PIEZO2: variants seen among roughly 807,000 people sequenced by gnomAD.
PIEZO2 encodes piezo-type mechanosensitive ion channel component 2.
In PIEZO2, 172 loss-of-function variants were observed where a neutral mutation model predicts 337.3. That is an observed-to-expected ratio of 0.51 (90% CI 0.45 to 0.58). PIEZO2 has a LOEUF of 0.58. Ranked by LOEUF, PIEZO2 falls within the 20% of genes least tolerant of loss-of-function variation. PIEZO2 has a pLI of 0.00. For synonymous variants in PIEZO2, 1,251 were observed against 1,228.5 expected, an observed-to-expected ratio of 1.02 and a Z score of -0.38; for missense variants, 3,028 against 3,391.3, an observed-to-expected ratio of 0.89 and a Z score of 2.66.
At chr18:10,941,814 A>C (rs1455661673) in intron 3 of PIEZO2, among the ~76,000 whole-genome samples, 1 of 152,216 alleles carries the variant, frequency 6.6e-6, no homozygotes, top group Non-Finnish European at 1.5e-5. Context: ...GACCAAAATG[A>C]CTGATACCGT....
intron 18 of PIEZO2, among the ~76,000 whole-genome samples, chr18:10,776,244 A>C (rs1329017420): frequency 6.6e-6 from 1 of 152,102 alleles, no homozygotes; most frequent in Non-Finnish European, 1.5e-5. Context: ...TATGTAACCT[A>C]TCTTTTAAGT....
intron 14 of PIEZO2, 39 bp downstream of exon 14, chr18:10,791,162 A>T (rs748431452): frequency 6.7e-7 from 1 of 1,485,322 alleles, no homozygotes; most frequent in South Asian, 1.3e-5. Flanking sequence ...AATTTTGCTG[A>T]GCACCAAACT....
At position 10,773,748 on chromosome 18, in the gene PIEZO2, A is replaced by T; in HGVS notation, c.2568-119T>A. On this transcript the variant is annotated intron_variant, in intron 19 of 55. Transcript: ENST00000674853. This position sits in a 1 kb window ranked among gnomAD's most constrained non-coding sequence, Gnocchi z 5.3. ...TCAGTGCATGTACAAAGACCTCACA[A>T]GGTGGGGTGTTAGCGTTTTGTCACT... 3.2e-6 allele frequency: 3 copies of T among 936,772 alleles called. No homozygotes were observed. Among genetic ancestry groups the T allele is most frequent in the Non-Finnish European group, 4.8e-6 (3 of 630,164 alleles). The allele number at this position is 936,772 out of a possible 1,614,324, so 58.0% of individuals were successfully genotyped here.
intron 36 of PIEZO2, 58 bp from the exon 37 acceptor site, chr18:10,718,317 A>G: frequency 7.4e-7 from 1 of 1,350,334 alleles, no homozygotes. Flanking sequence ...ATTAAATGCC[A>G]ATGTTACTCT....
chr18:10,863,884 A>C lies in PIEZO2; in HGVS notation c.493-6673T>G, dbSNP rs11874477. ...CAAATCAGCAGTCACACACACACAC[A>C]CCTATATCATCCACTCAGTTCACAT... is the stretch of plus-strand genomic sequence containing the variant. On this transcript the variant is annotated intron_variant, in intron 5 of 55. Coordinates refer to ENST00000674853, the MANE Select transcript of PIEZO2 (RefSeq NM_001378183.1). The surrounding 1 kb of genome is among the most constrained non-coding windows in gnomAD (Gnocchi z 4.3). 0.25 allele frequency among the ~76,000 whole-genome samples: 38,517 copies of C among 151,964 alleles called. 4,863 individuals carry two copies. The highest frequency in any genetic ancestry group is 0.27 in the Non-Finnish European group (18,183 of 67,952).
rs2039494787 is a variant in PIEZO2, at chr18:11,104,122, T to C, written c.65-37900A>G. 6.6e-6 allele frequency among the ~76,000 whole-genome samples: 1 copy of C among 152,198 alleles called. No individual in the cohort carries two copies. The highest frequency in any genetic ancestry group is 1.5e-5 in the Non-Finnish European group (1 of 68,040). On this transcript the variant is annotated intron_variant, in intron 1 of 55. Transcript: ENST00000674853. This position sits in a 1 kb window ranked among gnomAD's most constrained non-coding sequence, Gnocchi z 4.6. Reference sequence around the variant, plus strand: ...AATTGGATTCTTCTTATCATAGCTTTCACTGGGATTGCAATATAACATATG... The same window carrying C: ...AATTGGATTCTTCTTATCATAGCTTCCACTGGGATTGCAATATAACATATG...
rs946817929 is a variant in PIEZO2, at chr18:11,101,345, C to T, written c.65-35123G>A. The stretch of plus-strand genomic sequence containing the variant: ...TGGGTCCCCACGCACCACTTGCTGG[C>T]CCCATGAAGCACTCTCAGAGGGCCC... On this transcript the variant is annotated intron_variant, in intron 1 of 55. Transcript: ENST00000674853. The surrounding 1 kb of genome is among the most constrained non-coding windows in gnomAD (Gnocchi z 4.4). Among the ~76,000 whole-genome samples, 1 of 152,238 alleles carries T rather than the reference C, an allele frequency of 6.6e-6. No homozygotes were observed. The highest frequency in any genetic ancestry group is 2.4e-5 in the African/African-American group (1 of 41,458).
intron 4 of PIEZO2, among the ~76,000 whole-genome samples, chr18:10,907,488 T>G (rs568576550): frequency 2.0e-5 from 3 of 151,332 alleles, no homozygotes; most frequent in Admixed American, 6.6e-5. Flanking sequence ...CATGTTGAGA[T>G]GAAAGCACTG....
Position 11,094,016 on chromosome 18 carries a change from G to A in PIEZO2, c.65-27794C>T, listed in dbSNP as rs936662274. Reference sequence around the variant, plus strand: ...TTTTTGAGACAGTGTCTCGCTCTTGGGGCCCAGGCTGGAGTGCAGTGGTGC... The same window carrying A: ...TTTTTGAGACAGTGTCTCGCTCTTGAGGCCCAGGCTGGAGTGCAGTGGTGC... On this transcript the variant is annotated intron_variant, in intron 1 of 55. Coordinates refer to ENST00000674853, the MANE Select transcript of PIEZO2 (RefSeq NM_001378183.1). This position sits in a 1 kb window ranked among gnomAD's most constrained non-coding sequence, Gnocchi z 4.4. Among the ~76,000 whole-genome samples, 1 of 147,040 alleles carries A rather than the reference G, an allele frequency of 6.8e-6. No individual in the cohort carries two copies. Among genetic ancestry groups the A allele is most frequent in the African/African-American group, 2.5e-5 (1 of 39,880 alleles).
chr18:11,043,427 G>T lies in PIEZO2; in HGVS notation c.160+22700C>A, dbSNP rs144287004. 6.8e-3 allele frequency among the ~76,000 whole-genome samples: 1,039 copies of T among 152,272 alleles called. 6 individuals are homozygous for T. Among genetic ancestry groups the T allele is most frequent in the African/African-American group, 0.024 (989 of 41,556 alleles). ...GTATGCTAAAAATTACTTGTTGTAT[G>T]TCTGAAATTCAAACAATTTATCTGG... On this transcript the variant is annotated intron_variant, in intron 2 of 55. Coordinates refer to ENST00000674853, the MANE Select transcript of PIEZO2 (RefSeq NM_001378183.1).
At chr18:10,702,911 A>G (rs1209370426) in intron 42 of PIEZO2, among the ~76,000 whole-genome samples, 1 of 152,206 alleles carries the variant, frequency 6.6e-6, no homozygotes, top group Non-Finnish European at 1.5e-5. Flanking sequence ...GGTGGAGTGC[A>G]GTGGCACAAT....
rs76259361 is a variant in PIEZO2, at chr18:10,830,516, A to T, written c.918-23242T>A. ...ACTAGACCTCTATTTCTCTCCATTT[A>T]CAAACATCAAATCAAAATGGATTAA... On this transcript the variant is annotated intron_variant, in intron 7 of 55. Transcript: ENST00000674853. The surrounding 1 kb of genome is among the most constrained non-coding windows in gnomAD (Gnocchi z 4.7). Among the ~76,000 whole-genome samples the T allele has an allele frequency of 0.01, 1,592 of 151,886 alleles. 88 individuals are homozygous for T. The highest frequency in any genetic ancestry group is 0.085 in the Admixed American group (1,296 of 15,246).
intron 5 of PIEZO2, among the ~76,000 whole-genome samples, chr18:10,869,902 GTCTCGCTCT>G (rs1274897840): frequency 2.0e-4 from 31 of 152,000 alleles, no homozygotes; most frequent in African/African-American, 7.3e-4. Context: ...TTAAGACAGA[GTCTCGCTCT>G]GTCACCCAGA....
At chr18:10,965,997 A>G (rs2033980914) in intron 3 of PIEZO2, among the ~76,000 whole-genome samples, 1 of 152,238 alleles carries the variant, frequency 6.6e-6, no homozygotes, top group Admixed American at 6.5e-5. Context: ...GTTTGCTCTG[A>G]ACGGATAAAG....
intron 3 of PIEZO2, among the ~76,000 whole-genome samples, chr18:10,967,434 A>G (rs2034057813): frequency 6.6e-6 from 1 of 152,118 alleles, no homozygotes; most frequent in African/African-American, 2.4e-5. Flanking sequence ...TTTTTTTCAT[A>G]TAATGACTTC....
At chr18:10,693,518 C>T (rs1047321476) in intron 47 of PIEZO2, among the ~76,000 whole-genome samples, 5 of 148,592 alleles carry the variant, frequency 3.4e-5, no homozygotes, top group Admixed American at 6.8e-5. Context: ...TATAGGCGCG[C>T]GACACCACAT....
Position 10,859,740 on chromosome 18 carries a change from A to C in PIEZO2, c.493-2529T>G, listed in dbSNP as rs557296961. ...CCTAATTTCTCTTGAACCTACTCAAATCAGACTTTGATCTTCAACCACTCC... is the reference window on the plus strand; with the variant it reads ...CCTAATTTCTCTTGAACCTACTCAACTCAGACTTTGATCTTCAACCACTCC... On this transcript the variant is annotated intron_variant, in intron 5 of 55. Coordinates refer to ENST00000674853, the MANE Select transcript of PIEZO2 (RefSeq NM_001378183.1). The surrounding 1 kb of genome is among the most constrained non-coding windows in gnomAD (Gnocchi z 4.9). 2.6e-5 allele frequency among the ~76,000 whole-genome samples: 4 copies of C among 152,358 alleles called. No individual in the cohort carries two copies. Among genetic ancestry groups the C allele is most frequent in the African/African-American group, 4.8e-5 (2 of 41,582 alleles).
chr18:11,059,590 A>C (rs1223427727), intron 2 of PIEZO2, among the ~76,000 whole-genome samples: 1 of 152,228 alleles, frequency 6.6e-6, no homozygotes, highest in African/African-American at 2.4e-5. Context: ...AAACAAAAAA[A>C]GGCAGGGGTT....
At position 10,789,072 on chromosome 18, in the gene PIEZO2, T is replaced by C. The variant is rs1364599284; in HGVS notation, c.2169+7A>G. The C allele has an allele frequency of 6.5e-7, 1 of 1,534,814 alleles. No individual in the cohort carries two copies. Among genetic ancestry groups the C allele is most frequent in the Non-Finnish European group, 8.7e-7 (1 of 1,145,428 alleles). On this transcript the variant is annotated splice_region_variant and intron_variant, in intron 15 of 55. Transcript: ENST00000674853. ...GTGAGAATTAAAATGGTCAACTGTG[T>C]ACCTACCTGGTATAGGGCCACACAG... is the stretch of plus-strand genomic sequence containing the variant.
Sources: allele counts gnomAD v4.1 joint callset (sites outside exome capture counted in the v4.1 genomes callset), GRCh38; gene constraint gnomAD v4.1.1; non-coding constraint Gnocchi (gnomAD v3.1); transcripts MANE v1.5; gene names NCBI Gene and HGNC (gene_info 2026-07-23, HGNC 2026-07-21).